The following PARPBP variants were observed in gnomAD, a reference collection of about 807,000 sequenced individuals.
The protein encoded by PARPBP is PCNA-interacting partner.
Under a neutral mutation model 50.0 loss-of-function variants are expected in PARPBP, and 52 were observed. That is an observed-to-expected ratio of 1.04 (90% confidence interval 0.83 to 1.31). The LOEUF (loss-of-function observed/expected upper bound fraction) is 1.31. PARPBP is among the 50% of genes most tolerant of loss of function. The pLI is 0.00. For missense variants in PARPBP, 697 were observed against 672.0 expected (o/e 1.04, Z -0.41); for synonymous variants, 244 against 232.1 (o/e 1.05, Z -0.47).
intron 6 of PARPBP, among the ~76,000 whole-genome samples, chr12:102,172,239 T>A (rs1234920315): frequency 6.6e-6 from 1 of 152,208 alleles, no homozygotes; most frequent in Non-Finnish European, 1.5e-5. Context: ...CCTATTAATG[T>A]TTATCCAGAA....
Position 102,123,983 on chromosome 12 carries a change from G to A in PARPBP, c.95G>A (p.Cys32Tyr), listed in dbSNP as rs370200754. The change falls in exon 2 of 11, where the codon TGT becomes TAT. Residue 32 changes from cysteine (C) to tyrosine (Y), a missense_variant. Physicochemically the swap from Cys to Tyr is radical, Grantham distance 194. Coordinates refer to ENST00000327680, the MANE Select transcript of PARPBP (RefSeq NM_017915.5). ...TGTAACTCTGAGAGAACTACTCTAT[G>A]TGGTGCAGACTCCATGCTCTTGGCA... The part of the protein sequence containing the change: ...ALCNSERTTL[C>Y]GADSMLLALQ... The A allele has an allele frequency of 9.8e-6, 15 of 1,534,592 alleles. No individual in the cohort carries two copies. The highest frequency in any genetic ancestry group is 4.9e-5 in the East Asian group (2 of 40,870).
chr12:102,123,286 T>A (rs1881443180), intron 1 of PARPBP, among the ~76,000 whole-genome samples: 1 of 152,184 alleles, frequency 6.6e-6, no homozygotes, highest in South Asian at 2.1e-4. Context: ...GCTCCCAAAC[T>A]GGACTCCAGC....
intron 4 of PARPBP, 105 bp from the exon 5 acceptor site, chr12:102,164,333 A>G (rs1432534297): frequency 2.6e-6 from 2 of 771,044 alleles, no homozygotes; most frequent in African/African-American, 1.7e-5. Context: ...GAGTTAAGTG[A>G]GGTATTGTGA....
At chr12:102,182,707 T>C (rs1565900247) in intron 9 of PARPBP, 80 bp downstream of exon 9, 1 of 859,100 alleles carries the variant, frequency 1.2e-6, no homozygotes, top group Non-Finnish European at 1.9e-6. Context: ...CTGAGCTGGG[T>C]ATTGTAAATA....
intron 2 of PARPBP, among the ~76,000 whole-genome samples, chr12:102,124,592 TTAGA>T (rs1389200559): frequency 6.6e-6 from 1 of 152,052 alleles, no homozygotes; most frequent in Admixed American, 6.6e-5. Context: ...CTTTGTGATA[TTAGA>T]TAGATTTTAG....
chr12:102,148,732 C>CA (rs1235548397), intron 3 of PARPBP: 1 of 285,228 alleles, frequency 3.5e-6, no homozygotes, highest in Non-Finnish European at 6.4e-6. Flanking sequence ...AAATTAGTCC[C>CA]AAATGCCTGA....
At chr12:102,173,547 A>G (rs7313473) in intron 6 of PARPBP, among the ~76,000 whole-genome samples, 13 of 152,220 alleles carry the variant, frequency 8.5e-5, no homozygotes, top group African/African-American at 2.9e-4. Flanking sequence ...CACAAGGCCA[A>G]TAAACAAAAT....
chr12:102,148,109 C>T, intron 2 of PARPBP, 121 bp from the exon 3 acceptor site: 1 of 507,564 alleles, frequency 2.0e-6, no homozygotes, highest in Non-Finnish European at 3.4e-6. Context: ...CTCTTCAAAC[C>T]CACAAAAATT....
At chr12:102,172,458 G>T (rs1888853261) in intron 6 of PARPBP, among the ~76,000 whole-genome samples, 2 of 152,132 alleles carry the variant, frequency 1.3e-5, no homozygotes, top group Admixed American at 1.3e-4. Context: ...GAGTTTCTAG[G>T]CTTTAGAAGC....
chr12:102,165,675 A>G, intron 5 of PARPBP, 54 bp from the exon 6 acceptor site: 1 of 1,373,780 alleles, frequency 7.3e-7, no homozygotes, highest in Non-Finnish European at 1.0e-6. Flanking sequence ...TATGAAGTAA[A>G]TTACAGTTTA....
intron 4 of PARPBP, among the ~76,000 whole-genome samples, chr12:102,155,594 T>TGCG (rs1555216731): frequency 5.7e-4 from 23 of 40,514 alleles, no homozygotes; most frequent in African/African-American, 1.6e-3. Context: ...GAGAGCATGG[T>TGCG]GGGGGGGGGG....
intron 2 of PARPBP, among the ~76,000 whole-genome samples, chr12:102,138,020 A>G (rs928443492): frequency 6.6e-6 from 1 of 152,230 alleles, no homozygotes; most frequent in African/African-American, 2.4e-5. Flanking sequence ...GTATATACCC[A>G]GTAATGGGAT....
Position 102,176,579 on chromosome 12 carries a change from A to T in PARPBP, c.1005+913A>T, listed in dbSNP as rs571039055. On this transcript the variant is annotated intron_variant, in intron 7 of 10. Transcript: ENST00000327680. ...AGAGTAGATTCTAACCCACAGAATT[A>T]TAAGAGAAATTGACTACTGTGTTTT... 6.0e-4 allele frequency among the ~76,000 whole-genome samples: 92 copies of T among 152,288 alleles called. 3 individuals are homozygous for T. Among genetic ancestry groups the T allele is most frequent in the Admixed American group, 9.2e-4 (14 of 15,296 alleles).
chr12:102,124,272 C>A (rs1329369352), intron 2 of PARPBP, among the ~76,000 whole-genome samples: 1 of 152,122 alleles, frequency 6.6e-6, no homozygotes, highest in Non-Finnish European at 1.5e-5. Flanking sequence ...ACGGGACATG[C>A]ATATTTGATG....
intron 2 of PARPBP, among the ~76,000 whole-genome samples, chr12:102,134,930 G>A (rs117703138): frequency 0.037 from 5,693 of 152,036 alleles, 146 homozygotes; most frequent in African/African-American, 0.069. Context: ...TGCCTGCCTC[G>A]GTCTCCCAAA....
chr12:102,153,027 G>T (rs1886417420), intron 3 of PARPBP, among the ~76,000 whole-genome samples: 1 of 151,850 alleles, frequency 6.6e-6, no homozygotes, highest in South Asian at 2.1e-4. Context: ...AAATATATTT[G>T]TTATAAGACG....
chr12:102,171,663 G>A (rs529508438), intron 6 of PARPBP, among the ~76,000 whole-genome samples: 163 of 152,048 alleles, frequency 1.1e-3, no homozygotes, highest in African/African-American at 3.6e-3. Context: ...TCAGGAGATC[G>A]AGACCATCCT....
chr12:102,186,594 G>A (rs1231297375), intron 9 of PARPBP, among the ~76,000 whole-genome samples: 1 of 151,842 alleles, frequency 6.6e-6, no homozygotes, highest in African/African-American at 2.4e-5. Context: ...GTTATTATAA[G>A]TACCCTTATA....
chr12:102,131,473 G>T (rs1882843504), intron 2 of PARPBP, among the ~76,000 whole-genome samples: 1 of 152,094 alleles, frequency 6.6e-6, no homozygotes, highest in South Asian at 2.1e-4. Context: ...ATTTGACCCA[G>T]CAATCCCATT....
Sources: gnomAD v4.1 joint callset for allele counts (sites outside exome capture counted in the v4.1 genomes callset) on GRCh38, gnomAD v4.1.1 for gene constraint, MANE v1.5 for transcripts, NCBI Gene and HGNC (gene_info 2026-07-23, HGNC 2026-07-21) for gene names.